The following DEPDC4 variants were observed in gnomAD, a reference collection of about 807,000 sequenced individuals.
The protein encoded by DEPDC4 is DEP domain-containing protein 4.
Under a neutral mutation model 52.0 loss-of-function variants are expected in DEPDC4, and 52 were observed. That is an observed-to-expected ratio of 1.00 (90% CI 0.80 to 1.26). DEPDC4 has a LOEUF of 1.26. Ranked by LOEUF, DEPDC4 falls within the 50% of genes most tolerant of loss-of-function variation. The pLI is 0.00. For missense variants in DEPDC4, 530 were observed against 546.9 expected (o/e 0.97, Z 0.31); for synonymous variants, 201 against 196.8 (o/e 1.02, Z -0.18).
chr12:100,280,476 A>G, the DEPDC4 span, among the ~76,000 whole-genome samples: 2 of 152,202 alleles, frequency 1.3e-5, no homozygotes, highest in Non-Finnish European at 2.9e-5. Context: ...TATTCCCTGA[A>G]AAGTCTTCAT....
rs199681201 is a variant in DEPDC4, at chr12:100,256,086, G to T, written c.841C>A (p.Leu281Ile). 1.8e-5 allele frequency: 29 copies of T among 1,612,766 alleles called. No individual in the cohort carries two copies. The highest frequency in any genetic ancestry group is 1.7e-4 in the Middle Eastern group (1 of 6,054). ...EEDLVITNTCLDRELIPSLCL... is the reference protein window; with the variant it reads ...EEDLVITNTCIDRELIPSLCL... The stretch of plus-strand genomic sequence containing the variant: ...AAGCTTGGAATAAGTTCTCTGTCTA[G>T]GCAAGTGTTAGTGATAACAAGATCT... The change falls in exon 4 of 10, where the codon CTA becomes ATA. Residue 281 changes from leucine to isoleucine, a missense_variant. By Grantham distance (5) the Leu-to-Ile change is conservative. Coordinates refer to ENST00000550587, the MANE Select transcript of DEPDC4 (RefSeq NM_001364818.2).
At chr12:100,236,829 T>A (rs150794283), downstream of DEPDC4, among the ~76,000 whole-genome samples, 18 of 152,340 alleles carry the variant, frequency 1.2e-4, no homozygotes, top group East Asian at 3.5e-3. Flanking sequence ...TAGATTTAAG[T>A]CCTTGATCCA....
chr12:100,241,524 C>A lies in DEPDC4; in HGVS notation c.*368G>T. ...ACCAGCCTGGGCAACATAATAGGACCCCTGTCTCTACAAAATAAAAATAAA... is the reference window on the plus strand; with the variant it reads ...ACCAGCCTGGGCAACATAATAGGACACCTGTCTCTACAAAATAAAAATAAA... On this transcript the variant is annotated 3_prime_UTR_variant, in exon 10 of 10. Transcript: ENST00000550587. 1 of 453,722 alleles carries A rather than the reference C, an allele frequency of 2.2e-6. No individual in the cohort carries two copies. The highest frequency in any genetic ancestry group is 3.2e-6 in the Non-Finnish European group (1 of 315,044). The allele number at this position is 453,722 out of a possible 1,614,324, so 28.1% of individuals were successfully genotyped here.
At position 100,267,037 on chromosome 12, in the gene DEPDC4, C is replaced by T. The variant is rs752487073; in HGVS notation, c.40G>A (p.Val14Ile). ...GEEPARELMA[V>I]LLTPRFRRLV... ...CTACGGAACCTCGGAGTCAAAAGAA[C>T]CGCCATAAGCTCGCGCGCTGGCTCC... Residue 14 changes from valine (V) to isoleucine (I), a missense_variant, in exon 1 of 10, where the codon GTT (valine) becomes ATT (isoleucine). Val to Ile is a conservative substitution (Grantham distance 29, BLOSUM62 3). Coordinates refer to ENST00000550587, the MANE Select transcript of DEPDC4 (RefSeq NM_001364818.2). 6.2e-7 allele frequency: 1 copy of T among 1,614,032 alleles called. No homozygotes were observed. The highest frequency in any genetic ancestry group is 8.5e-7 in the Non-Finnish European group (1 of 1,179,946).
intron 7 of DEPDC4, among the ~76,000 whole-genome samples, chr12:100,250,529 A>G (rs1180051010): frequency 6.6e-6 from 1 of 152,116 alleles, no homozygotes; most frequent in East Asian, 1.9e-4. Context: ...CTGAACCAGT[A>G]TGTTTCCTTA....
At chr12:100,275,710 A>C in the DEPDC4 span, among the ~76,000 whole-genome samples, 1 of 152,134 alleles carries the variant, frequency 6.6e-6, no homozygotes, top group African/African-American at 2.4e-5. Flanking sequence ...CCTTTACTGG[A>C]ATATTGAATA....
chr12:100,269,293 T>C (rs1402071427), upstream of DEPDC4, among the ~76,000 whole-genome samples: 1 of 151,998 alleles, frequency 6.6e-6, no homozygotes, highest in Non-Finnish European at 1.5e-5. Context: ...GCTTTGGTTA[T>C]GCTACTTCCT....
At chr12:100,262,632 A>G (rs1455216651) in intron 2 of DEPDC4, among the ~76,000 whole-genome samples, 4 of 152,228 alleles carry the variant, frequency 2.6e-5, no homozygotes, top group Non-Finnish European at 5.9e-5. Flanking sequence ...TGCTAATTCT[A>G]AGGTTAACAT....
intron 3 of DEPDC4, among the ~76,000 whole-genome samples, chr12:100,259,283 C>T (rs551635084): frequency 5.9e-5 from 9 of 151,992 alleles, no homozygotes; most frequent in African/African-American, 1.9e-4. Context: ...GCAGCCAGTC[C>T]GTTATTGAGA....
At chr12:100,232,819 G>T (rs1252681873) in intron 9 of DEPDC4, among the ~76,000 whole-genome samples, 1 of 152,146 alleles carries the variant, frequency 6.6e-6, no homozygotes, top group Non-Finnish European at 1.5e-5. Context: ...GGAGGCAGGA[G>T]GTTGTGGTGA....
At chr12:100,270,374 G>C (rs993061003), upstream of DEPDC4, among the ~76,000 whole-genome samples, 1 of 151,988 alleles carries the variant, frequency 6.6e-6, no homozygotes, top group African/African-American at 2.4e-5. Flanking sequence ...GTTATTCCTT[G>C]TCCCTCTTCT....
upstream of DEPDC4, among the ~76,000 whole-genome samples, chr12:100,270,279 G>A (rs1215207285): frequency 2.6e-5 from 4 of 151,992 alleles, no homozygotes; most frequent in South Asian, 2.1e-4. Context: ...GAGCCACCGC[G>A]CCTGGCCGAG....
chr12:100,252,548 G>A lies in DEPDC4; in HGVS notation c.1106-12C>T. On this transcript the variant is annotated splice_polypyrimidine_tract_variant and intron_variant, in intron 5 of 9. Coordinates refer to ENST00000550587, the MANE Select transcript of DEPDC4 (RefSeq NM_001364818.2). ...TCTTTTCTCATTTTCTGTTATATAG[G>A]TTACAAAGAAAACAAAGCATAAGAT... The A allele has an allele frequency of 1.3e-6, 2 of 1,573,592 alleles. No homozygotes were observed. Among genetic ancestry groups the A allele is most frequent in the Non-Finnish European group, 1.7e-6 (2 of 1,163,376 alleles).
chr12:100,259,075 A>C (rs553288250), intron 3 of DEPDC4, among the ~76,000 whole-genome samples: 55 of 131,598 alleles, frequency 4.2e-4, no homozygotes, highest in African/African-American at 1.6e-3. Context: ...TGTCTCAAAA[A>C]AAAAAAATAT....
At chr12:100,267,241 G>A, upstream of DEPDC4, 1 of 711,058 alleles carries the variant, frequency 1.4e-6, no homozygotes, top group Non-Finnish European at 2.2e-6. Flanking sequence ...TTTCCTTCTA[G>A]CTCCGACGTT....
chr12:100,252,087 G>A, intron 7 of DEPDC4, 89 bp downstream of exon 7: 1 of 1,074,996 alleles, frequency 9.3e-7, no homozygotes, highest in Non-Finnish European at 1.1e-6. Flanking sequence ...TAGGTACTTA[G>A]TAAATTATTT....
chr12:100,256,230 G>C lies in DEPDC4; in HGVS notation c.701-4C>G. ...AATGTTTGTTCTTTCCAAACATCTTGAAAAGGAAAGTAATGCAATGATCAA... is the reference window on the plus strand; with the variant it reads ...AATGTTTGTTCTTTCCAAACATCTTCAAAAGGAAAGTAATGCAATGATCAA... On this transcript the variant is annotated splice_region_variant and splice_polypyrimidine_tract_variant and intron_variant, in intron 3 of 9. Transcript: ENST00000550587. 6.3e-7 allele frequency: 1 copy of C among 1,597,964 alleles called. No individual in the cohort carries two copies. Among genetic ancestry groups the C allele is most frequent in the Non-Finnish European group, 8.6e-7 (1 of 1,168,196 alleles).
chr12:100,233,401 T>A (rs943243728), intron 9 of DEPDC4, among the ~76,000 whole-genome samples: 3 of 152,228 alleles, frequency 2.0e-5, no homozygotes, highest in Admixed American at 2.0e-4. Flanking sequence ...CTAACTCCCA[T>A]TCAGATTTCA....
At chr12:100,262,723 T>C (rs1015816954) in intron 2 of DEPDC4, among the ~76,000 whole-genome samples, 2 of 152,198 alleles carry the variant, frequency 1.3e-5, no homozygotes, top group African/African-American at 4.8e-5. Context: ...AAGTCATTTT[T>C]CAAATTAGAA....
Sources: allele counts gnomAD v4.1 joint callset (sites outside exome capture counted in the v4.1 genomes callset), GRCh38; gene constraint gnomAD v4.1.1; transcripts MANE v1.5; gene names NCBI Gene and HGNC (gene_info 2026-07-23, HGNC 2026-07-21).